The following LRRC49 variants were observed in gnomAD, a reference collection of about 807,000 sequenced individuals.
LRRC49 encodes leucine-rich repeat-containing protein 49.
A neutral mutation model predicts 83.3 loss-of-function variants in LRRC49; 50 were observed. The ratio of observed to expected loss-of-function variants is 0.60; its 90% CI spans 0.48 to 0.76. LRRC49 has a LOEUF of 0.76. Ranked by LOEUF, LRRC49 falls within the 30% of genes least tolerant of loss-of-function variation. The pLI, the probability that LRRC49 is intolerant of heterozygous loss-of-function variation, is 0.00. For synonymous variants in LRRC49, 286 were observed against 283.3 expected, an observed-to-expected ratio of 1.01 and a Z score of -0.10; for missense variants, 704 against 809.1, an observed-to-expected ratio of 0.87 and a Z score of 1.58.
intron 4 of LRRC49, among the ~76,000 whole-genome samples, chr15:70,902,883 GTTA>G (rs2034141612): frequency 6.6e-6 from 1 of 152,174 alleles, no homozygotes; most frequent in Non-Finnish European, 1.5e-5. Flanking sequence ...TGGGTCTCTA[GTTA>G]TTATGTATGT....
rs551936498 is a variant in LRRC49, at chr15:71,010,300, CT to C, written c.1593+312del. 3.3e-5 allele frequency among the ~76,000 whole-genome samples: 5 copies of C among 151,930 alleles called. No individual in the cohort carries two copies. The East Asian group carries it at 7.7e-4, about 23-fold the overall frequency. On this transcript the variant is annotated intron_variant, in intron 13 of 15. Transcript: ENST00000260382. Reference sequence around the variant, plus strand: ...TTAAAAATAAAAATAAAAAATAACTCTTTTATAAGTAATGTGATCTTTGTAT... The same window carrying C: ...TTAAAAATAAAAATAAAAAATAACTCTTTATAAGTAATGTGATCTTTGTAT...
At chr15:70,926,490 T>C (rs1157914636) in intron 7 of LRRC49, among the ~76,000 whole-genome samples, 1 of 152,180 alleles carries the variant, frequency 6.6e-6, no homozygotes, top group East Asian at 1.9e-4. Context: ...TCTAAATTTA[T>C]TAGAAACTAC....
In LRRC49 at chr15:70,901,437, C is replaced by T. The variant is rs117916267; in HGVS notation, c.296+413C>T. Among the ~76,000 whole-genome samples the T allele has an allele frequency of 7.1e-3, 1,079 of 152,260 alleles. 7 individuals are homozygous for T. The highest frequency in any genetic ancestry group is 0.012 in the Non-Finnish European group (816 of 68,006). On this transcript the variant is annotated intron_variant, in intron 4 of 15. Transcript: ENST00000260382. ...CAATCATACCTGCCACCTTGCTGTT[C>T]CTTGAATACACCAAGAGTGATTATA... is the stretch of plus-strand genomic sequence containing the variant.
At chr15:70,890,778 G>GAGCAAA (rs2033534267), upstream of LRRC49, among the ~76,000 whole-genome samples, 1 of 152,178 alleles carries the variant, frequency 6.6e-6, no homozygotes, top group Non-Finnish European at 1.5e-5. Context: ...TGCAACAACT[G>GAGCAAA]AGCAAAGTCT....
In LRRC49 at chr15:71,014,569, C is replaced by T. The variant is rs376893024; in HGVS notation, c.1703+1656C>T. 1.4e-4 allele frequency among the ~76,000 whole-genome samples: 21 copies of T among 151,968 alleles called. 1 individual carries two copies. The highest frequency in any genetic ancestry group is 5.1e-4 in the African/African-American group (21 of 41,490). On this transcript the variant is annotated intron_variant, in intron 14 of 15. Coordinates refer to ENST00000260382, the MANE Select transcript of LRRC49 (RefSeq NM_017691.5). ...TTTTTCAGAGATACCCCTAAAAAAC[C>T]CCTAAAGGCTTAAAAGAAAGGGATG...
intron 11 of LRRC49, among the ~76,000 whole-genome samples, chr15:70,988,354 C>G (rs1446774352): frequency 6.8e-6 from 1 of 146,140 alleles, no homozygotes; most frequent in Non-Finnish European, 1.5e-5. Flanking sequence ...GGATAGTTAG[C>G]TCTTCTTGTT....
intron 14 of LRRC49, among the ~76,000 whole-genome samples, chr15:71,022,209 C>T (rs2039015750): frequency 6.6e-6 from 1 of 151,986 alleles, no homozygotes; most frequent in Non-Finnish European, 1.5e-5. Flanking sequence ...CCTGTCTCTA[C>T]TAAAAATACA....
chr15:70,931,505 C>T (rs2035406034), intron 7 of LRRC49, among the ~76,000 whole-genome samples: 1 of 152,046 alleles, frequency 6.6e-6, no homozygotes, highest in Admixed American at 6.6e-5. Context: ...ATGGCACTGA[C>T]TTGGTTGATA....
At chr15:70,967,945 G>T (rs1183090373) in intron 9 of LRRC49, among the ~76,000 whole-genome samples, 1 of 149,960 alleles carries the variant, frequency 6.7e-6, no homozygotes, top group Non-Finnish European at 1.5e-5. Context: ...AAGGTAAGAT[G>T]AAGTAACTTT....
At chr15:70,853,728 C>G (rs2032556153) in intron 1 of LRRC49, among the ~76,000 whole-genome samples, 1 of 152,156 alleles carries the variant, frequency 6.6e-6, no homozygotes, top group Non-Finnish European at 1.5e-5. Context: ...CTCCACGGGC[C>G]GGTTCTGACT....
In LRRC49 at chr15:71,008,532, C is replaced by CA; in HGVS notation, c.1324dup (p.Thr442AsnfsTer11). 1 of 1,612,622 alleles carries CA rather than the reference C, an allele frequency of 6.2e-7. No homozygotes were observed. The highest frequency in any genetic ancestry group is 8.5e-7 in the Non-Finnish European group (1 of 1,179,072). On this transcript the variant is annotated frameshift_variant, in exon 12 of 16. Transcript: ENST00000260382. LOFTEE classifies it high-confidence loss of function. ...GGAGTGTTCAAACAGCAGGAATGATCACAACAGTCTCCTTCACTTTCATAG... is the reference window on the plus strand; with the variant it reads ...GGAGTGTTCAAACAGCAGGAATGATCAACAACAGTCTCCTTCACTTTCATAG...
chr15:70,900,631 AG>A lies in LRRC49; in HGVS notation c.194-289del, dbSNP rs1157454875. The A allele has an allele frequency of 1.8e-4, 83 of 472,958 alleles. 1 individual carries two copies. Among genetic ancestry groups the A allele is most frequent in the African/African-American group, 6.1e-4 (31 of 50,990 alleles). 29.3% of individuals were successfully genotyped at this position (472,958 alleles called of 1,614,324 possible). A position where few individuals can be genotyped will look rare whatever the true frequency, so the allele number is the denominator to read the frequency against. ...TTATAGACAGTTAGAATTTAAGACA[AG>A]GAGTCAGGATTACAAAGGGATGAAG... On this transcript the variant is annotated intron_variant, in intron 3 of 15. Coordinates refer to ENST00000260382, the MANE Select transcript of LRRC49 (RefSeq NM_017691.5).
chr15:71,008,728 A>C, intron 12 of LRRC49, 112 bp downstream of exon 12: 1 of 718,330 alleles, frequency 1.4e-6, no homozygotes. Flanking sequence ...TGGCAGGAAG[A>C]TTTAAGTTTT....
intron 9 of LRRC49, 64 bp downstream of exon 9, chr15:70,963,996 G>A: frequency 6.7e-7 from 1 of 1,488,748 alleles, no homozygotes; most frequent in East Asian, 2.3e-5. Context: ...AAATTGGGAT[G>A]CATATTCTTT....
chr15:70,942,498 C>T (rs1204334612), intron 8 of LRRC49, among the ~76,000 whole-genome samples: 1 of 152,088 alleles, frequency 6.6e-6, no homozygotes, highest in East Asian at 1.9e-4. Context: ...CACTTAGAAA[C>T]AAACTTAAGA....
chr15:70,984,364 A>G (rs2037517900), intron 11 of LRRC49, 107 bp downstream of exon 11: 1 of 979,770 alleles, frequency 1.0e-6, no homozygotes, highest in Admixed American at 2.8e-5. Flanking sequence ...TTTTCTTAAG[A>G]AAACTTGCTG....
At chr15:70,919,347 T>C (rs755305126) in intron 7 of LRRC49, among the ~76,000 whole-genome samples, 154 bp downstream of exon 7, 2 of 152,234 alleles carry the variant, frequency 1.3e-5, no homozygotes, top group Non-Finnish European at 1.5e-5. Flanking sequence ...AGCTCTGTAA[T>C]ATGTTGGTTT....
chr15:71,052,987 C>T lies in LRRC49; in HGVS notation c.*3375C>T, dbSNP rs558674989. ...GTAGACATTATGTGCGGTATAAATACTAACAAATGTATAAGTACACATGTA... is the reference window on the plus strand; with the variant it reads ...GTAGACATTATGTGCGGTATAAATATTAACAAATGTATAAGTACACATGTA... On this transcript the variant is annotated 3_prime_UTR_variant, in exon 16 of 16. Transcript: ENST00000260382. 1 of 152,248 alleles carries T rather than the reference C, an allele frequency of 6.6e-6. No homozygotes were observed. The highest frequency in any genetic ancestry group is 6.5e-5 in the Admixed American group (1 of 15,276). 9.4% of individuals were successfully genotyped at this position (152,248 alleles called of 1,614,324 possible).
At chr15:70,927,422 G>C (rs936286892) in intron 7 of LRRC49, among the ~76,000 whole-genome samples, 1 of 151,794 alleles carries the variant, frequency 6.6e-6, no homozygotes, top group Non-Finnish European at 1.5e-5. Context: ...CATGTAAAAA[G>C]GCTTGCCTTT....
Sources: allele counts gnomAD v4.1 joint callset (sites outside exome capture counted in the v4.1 genomes callset), GRCh38; gene constraint gnomAD v4.1.1; transcripts MANE v1.5; gene names NCBI Gene and HGNC (gene_info 2026-07-23, HGNC 2026-07-21).